The following SH3GL2 variants were observed in gnomAD, a reference collection of about 807,000 sequenced individuals.
SH3GL2 encodes the protein SH3 domain containing GRB2 like 2, endophilin A1, also known as endophilin-A1.
In SH3GL2, 24 loss-of-function variants were observed where a neutral mutation model predicts 46.0. That is an observed-to-expected ratio of 0.52 (90% CI 0.38 to 0.73). The LOEUF (loss-of-function observed/expected upper bound fraction) is 0.73. Ranked by LOEUF, SH3GL2 falls within the 30% of genes least tolerant of loss-of-function variation. SH3GL2 has a pLI of 0.00. For synonymous variants in SH3GL2, 196 were observed against 147.1 expected (o/e 1.33, Z -2.40); for missense variants, 413 against 424.2 (o/e 0.97, Z 0.23).
intron 1 of SH3GL2, among the ~76,000 whole-genome samples, chr9:17,665,650 A>G (rs1041586535): frequency 1.3e-5 from 2 of 151,946 alleles, no homozygotes; most frequent in Admixed American, 6.6e-5. Context: ...GAATGATGTC[A>G]TCATCGTTCT....
chr9:17,778,674 G>A (rs986286859), intron 3 of SH3GL2, among the ~76,000 whole-genome samples: 5 of 152,108 alleles, frequency 3.3e-5, no homozygotes, highest in African/African-American at 7.2e-5. Flanking sequence ...GTGGAAGCAG[G>A]GAGGCCAGCA....
intron 3 of SH3GL2, among the ~76,000 whole-genome samples, chr9:17,784,582 C>T (rs763187016): frequency 6.6e-6 from 1 of 152,162 alleles, no homozygotes; most frequent in African/African-American, 2.4e-5. Context: ...ATTTATCATA[C>T]TTGTTGCCAC....
chr9:17,650,162 A>G (rs1388583829), intron 1 of SH3GL2, among the ~76,000 whole-genome samples: 1 of 152,238 alleles, frequency 6.6e-6, no homozygotes, highest in Non-Finnish European at 1.5e-5. Flanking sequence ...CAACTTAGTT[A>G]TGGAATAAAA....
intron 1 of SH3GL2, among the ~76,000 whole-genome samples, chr9:17,661,763 A>C (rs1472387944): frequency 6.6e-6 from 1 of 152,234 alleles, no homozygotes; most frequent in Non-Finnish European, 1.5e-5. Context: ...GTTGAAAGGT[A>C]GCATAGTATA....
intron 1 of SH3GL2, among the ~76,000 whole-genome samples, chr9:17,659,144 G>A (rs1402909100): frequency 6.6e-6 from 1 of 152,146 alleles, no homozygotes; most frequent in African/African-American, 2.4e-5. Context: ...AAAAAGAACG[G>A]GAAAGGGCAG....
chr9:17,678,208 A>G (rs1445132841), intron 1 of SH3GL2, among the ~76,000 whole-genome samples: 1 of 152,016 alleles, frequency 6.6e-6, no homozygotes, highest in Non-Finnish European at 1.5e-5. Flanking sequence ...AGGAATCGCC[A>G]CACTGACTTC....
chr9:17,751,079 C>T (rs1822826788), intron 2 of SH3GL2, among the ~76,000 whole-genome samples: 1 of 152,114 alleles, frequency 6.6e-6, no homozygotes, highest in East Asian at 1.9e-4. Flanking sequence ...TGTTTTGCAG[C>T]CTGAAAATTA....
At chr9:17,746,701 T>A (rs1010373673) in intron 1 of SH3GL2, among the ~76,000 whole-genome samples, 43 of 152,192 alleles carry the variant, frequency 2.8e-4, no homozygotes. Flanking sequence ...TAGGTAGCAT[T>A]TGAGATCCAT....
chr9:17,701,089 GGGCCCA>G (rs1454270082), intron 1 of SH3GL2, among the ~76,000 whole-genome samples: 3 of 152,088 alleles, frequency 2.0e-5, no homozygotes, highest in Non-Finnish European at 4.4e-5. Context: ...AGCTTAAAGT[GGGCCCA>G]CAGAAGAAGA....
chr9:17,580,972 C>G (rs780524110), intron 1 of SH3GL2, among the ~76,000 whole-genome samples: 14 of 152,134 alleles, frequency 9.2e-5, no homozygotes, highest in Non-Finnish European at 1.9e-4. Context: ...TGCTTCTGAC[C>G]TTGAGAGAGT....
At chr9:17,610,276 A>G (rs1818836353) in intron 1 of SH3GL2, among the ~76,000 whole-genome samples, 1 of 152,148 alleles carries the variant, frequency 6.6e-6, no homozygotes, top group African/African-American at 2.4e-5. Context: ...CAGTTGGTGG[A>G]TGTGATAACA....
At chr9:17,620,259 A>C (rs901770150) in intron 1 of SH3GL2, among the ~76,000 whole-genome samples, 1 of 152,220 alleles carries the variant, frequency 6.6e-6, no homozygotes, top group African/African-American at 2.4e-5. Context: ...TAAAACAACC[A>C]TTCAGTAAAC....
intron 1 of SH3GL2, among the ~76,000 whole-genome samples, chr9:17,593,343 G>A (rs895075786): frequency 3.9e-5 from 6 of 152,076 alleles, no homozygotes; most frequent in Non-Finnish European, 7.4e-5. Context: ...GGGATCTGAC[G>A]CTATCTCCAG....
In SH3GL2 at chr9:17,793,483, C is replaced by G; in HGVS notation, c.845C>G (p.Thr282Ser). 6.2e-7 allele frequency: 1 copy of G among 1,613,180 alleles called. No homozygotes were observed. The highest frequency in any genetic ancestry group is 8.5e-7 in the Non-Finnish European group (1 of 1,179,666). The change falls in exon 8 of 9, where the codon ACT becomes AGT. Residue 282 changes from threonine to serine, a missense_variant. Thr to Ser is a moderately conservative substitution (Grantham distance 58). Transcript: ENST00000380607. ...AATGGGGGTCTCTCCCACACAGGCA[C>G]TCCCAAACCTTCAGGTAAGAGCTGA... ...QPNGGLSHTG[T>S]PKPSGVQMDQ...
At chr9:17,718,420 C>A (rs11998777) in intron 1 of SH3GL2, among the ~76,000 whole-genome samples, 3 of 152,198 alleles carry the variant, frequency 2.0e-5, no homozygotes, top group African/African-American at 7.2e-5. Flanking sequence ...GCCTGGAGAC[C>A]GTGTTAAAAA....
intron 1 of SH3GL2, among the ~76,000 whole-genome samples, chr9:17,641,311 A>C (rs1311660415): frequency 6.6e-6 from 1 of 152,202 alleles, no homozygotes; most frequent in South Asian, 2.1e-4. Flanking sequence ...AGCTCAAGGG[A>C]CAGATGTATG....
intron 6 of SH3GL2, among the ~76,000 whole-genome samples, chr9:17,790,048 A>T (rs1051679350): frequency 6.6e-6 from 1 of 152,154 alleles, no homozygotes; most frequent in African/African-American, 2.4e-5. Flanking sequence ...TCAGTTGTGG[A>T]GCAGGGGGCA....
In SH3GL2 at chr9:17,787,422, C is replaced by G; in HGVS notation, c.374C>G (p.Ser125Trp). The G allele has an allele frequency of 6.2e-7, 1 of 1,612,174 alleles. No individual in the cohort carries two copies. Among genetic ancestry groups the G allele is most frequent in the South Asian group, 1.1e-5 (1 of 91,040 alleles). The change falls in exon 5 of 9, where the codon TCG (serine) becomes TGG (tryptophan). Residue 125 changes from serine to tryptophan, a missense_variant. This residue lies in a region of SH3GL2 where 160 missense variants were observed against 192.3 expected (regional missense o/e 0.83). Transcript: ENST00000380607. ...GTCGGGGAGGCCATGCGGGAACTGT[C>G]GGAGGTCAAAGACTCTTTGGACATA... is the stretch of plus-strand genomic sequence containing the variant. ...GEVGEAMRELSEVKDSLDIEV... is the reference protein window; with the variant it reads ...GEVGEAMRELWEVKDSLDIEV...
rs1283560813 is a variant in SH3GL2, at chr9:17,780,546, T to C, written c.188-5835T>C. 2.8e-5 allele frequency among the ~76,000 whole-genome samples: 4 copies of C among 144,174 alleles called. No individual in the cohort carries two copies. The South Asian group carries it at 7.0e-4, about 25-fold the overall frequency. The allele number at this position is 144,174 out of a possible 152,430, so 94.6% of individuals were successfully genotyped here. A position where few individuals can be genotyped will look rare whatever the true frequency, so the allele number is the denominator to read the frequency against. On this transcript the variant is annotated intron_variant, in intron 3 of 8. Coordinates refer to ENST00000380607, the MANE Select transcript of SH3GL2 (RefSeq NM_003026.5). The stretch of plus-strand genomic sequence containing the variant: ...GCACATTGTGCAGGTTAGTTACATA[T>C]GTATACATGTGCCATGCTGGTGCGC...
Sources: gnomAD v4.1 joint callset for allele counts (sites outside exome capture counted in the v4.1 genomes callset) on GRCh38, gnomAD v4.1.1 for gene constraint, gnomAD v4.1.1 regional missense constraint, MANE v1.5 for transcripts, NCBI Gene and HGNC (gene_info 2026-07-23, HGNC 2026-07-21) for gene names.